RPL17: variants seen among roughly 807,000 people sequenced by gnomAD.
RPL17 encodes the protein ribosomal protein L17.
In RPL17, 2 loss-of-function variants were observed where a neutral mutation model predicts 27.7. The ratio of observed to expected loss-of-function variants is 0.07; its 90% CI spans 0.03 to 0.23. The LOEUF is 0.23. Among genes scored for constraint, RPL17 ranks in the 10% least tolerant of loss-of-function variants. The pLI is 1.00. For missense variants in RPL17, 141 were observed against 238.8 expected (o/e 0.59, Z 2.70); for synonymous variants, 76 against 75.5 (o/e 1.01, Z -0.03).
At chr18:49,488,625 C>T (rs1314538542) in intron 6 of RPL17, 59 bp from the exon 7 acceptor site, 8 of 1,016,996 alleles carry the variant, frequency 7.9e-6, no homozygotes, top group African/African-American at 1.6e-5. Flanking sequence ...TCTTGGAGGA[C>T]TTCAGCTTAT....
intron 4 of RPL17, 119 bp downstream of exon 4, chr18:49,490,674 G>A: frequency 1.9e-6 from 3 of 1,584,532 alleles, no homozygotes; most frequent in Non-Finnish European, 2.6e-6. Context: ...AATCCAAGGT[G>A]TCCTGTCATT....
chr18:49,491,588 G>C lies in RPL17; in HGVS notation c.-13-4C>G, dbSNP rs572092797. On this transcript the variant is annotated splice_region_variant and splice_polypyrimidine_tract_variant and intron_variant, in intron 1 of 6. Coordinates refer to ENST00000580261, the MANE Select transcript of RPL17 (RefSeq NM_001035006.5). ...GCGAACCATTTTCACAGATCACCTA[G>C]AGGAAAGTACAGTGTAATTCTGTCA... 123 of 1,614,032 alleles carry C rather than the reference G, an allele frequency of 7.6e-5. No homozygotes were observed. The highest frequency in any genetic ancestry group is 8.8e-5 in the Non-Finnish European group (104 of 1,180,044).
At chr18:49,491,964 C>G (rs1045817353) in intron 1 of RPL17, 1 of 373,828 alleles carries the variant, frequency 2.7e-6, no homozygotes, top group African/African-American at 2.1e-5. Context: ...ACAGAAACCC[C>G]TTTGCTGTCA....
chr18:49,490,088 C>G (rs1335683607), intron 5 of RPL17, among the ~76,000 whole-genome samples: 1 of 152,222 alleles, frequency 6.6e-6, no homozygotes, highest in Non-Finnish European at 1.5e-5. Context: ...CCACAAACCA[C>G]ATTAATCACT....
At chr18:49,488,694 A>T in intron 6 of RPL17, 128 bp from the exon 7 acceptor site, 1 of 644,466 alleles carries the variant, frequency 1.6e-6, no homozygotes, top group South Asian at 1.8e-5. Flanking sequence ...TAAATGGTAG[A>T]AATCAACAGA....
intron 1 of RPL17, 28 bp from the exon 2 acceptor site, chr18:49,491,612 CA>C (rs2084086011): frequency 6.2e-7 from 1 of 1,612,230 alleles, no homozygotes; most frequent in African/African-American, 1.3e-5. Flanking sequence ...GTAATTCTGT[CA>C]ATACGTACTT....
intron 1 of RPL17, 31 bp from the exon 2 acceptor site, chr18:49,491,615 T>TA (rs1410892901): frequency 6.2e-7 from 1 of 1,611,064 alleles, no homozygotes; most frequent in South Asian, 1.1e-5. Context: ...ATTCTGTCAA[T>TA]ACGTACTTAC....
chr18:49,489,168 T>G (rs1233061964), intron 6 of RPL17, 191 bp downstream of exon 6: 1 of 565,092 alleles, frequency 1.8e-6, no homozygotes, highest in Non-Finnish European at 3.1e-6. Context: ...CCCAAAGTGC[T>G]GGGATTACAG....
chr18:49,489,319 T>C (rs541896968), intron 6 of RPL17, 40 bp downstream of exon 6: 1 of 1,608,418 alleles, frequency 6.2e-7, no homozygotes, highest in South Asian at 1.1e-5. Context: ...CCACAAATCT[T>C]TCTACTATCA....
rs146036347 is a variant in RPL17, at chr18:49,491,296, TATTA to T, written c.81+105_81+108del. On this transcript the variant is annotated intron_variant, in intron 3 of 6. Coordinates refer to ENST00000580261, the MANE Select transcript of RPL17 (RefSeq NM_001035006.5). Reference sequence around the variant, plus strand: ...AAATATAAGGTGGCTGCTCAGAATTTATTAATTTTCACGGTAAATCCAAAGGTGT... The same window carrying T: ...AAATATAAGGTGGCTGCTCAGAATTTATTTTCACGGTAAATCCAAAGGTGT... 2.9e-5 allele frequency: 44 copies of T among 1,536,842 alleles called. No homozygotes were observed. The Middle Eastern group carries it at 8.4e-4, about 29-fold the overall frequency.
At chr18:49,489,899 T>C (rs1451991732) in intron 5 of RPL17, among the ~76,000 whole-genome samples, 1 of 152,214 alleles carries the variant, frequency 6.6e-6, no homozygotes, top group Non-Finnish European at 1.5e-5. Flanking sequence ...TTTGGAGCCA[T>C]ACAGACCTAA....
chr18:49,491,874 T>C, intron 1 of RPL17: 1 of 530,210 alleles, frequency 1.9e-6, no homozygotes, highest in Non-Finnish European at 3.5e-6. Flanking sequence ...CAATGCTGGA[T>C]CTTCCAGGCG....
In RPL17 at chr18:49,492,462, G is replaced by A. The variant is rs973301463; in HGVS notation, c.-18C>T. Reference sequence around the variant, plus strand: ...CAACGCAGGAGAAACACTCACCTCAGGCTGCTTAGGGAAAGAGGAAGAGCG... The same window carrying A: ...CAACGCAGGAGAAACACTCACCTCAAGCTGCTTAGGGAAAGAGGAAGAGCG... On this transcript the variant is annotated 5_prime_UTR_variant, in exon 1 of 7. Coordinates refer to ENST00000580261, the MANE Select transcript of RPL17 (RefSeq NM_001035006.5). 1.3e-5 allele frequency: 2 copies of A among 152,286 alleles called. No homozygotes were observed. The highest frequency in any genetic ancestry group is 1.9e-4 in the East Asian group (1 of 5,200). The allele number at this position is 152,286 out of a possible 1,614,324, so 9.4% of individuals were successfully genotyped here. A position where few individuals can be genotyped will look rare whatever the true frequency, so the allele number is the denominator to read the frequency against.
intron 5 of RPL17, 49 bp downstream of exon 5, chr18:49,490,405 T>C (rs1232264971): frequency 5.0e-6 from 8 of 1,588,348 alleles, no homozygotes; most frequent in African/African-American, 1.3e-5. Flanking sequence ...ACAGCCAACA[T>C]TAATTAAACA....
chr18:49,491,481 C>G (rs1488231846), intron 2 of RPL17, 36 bp from the exon 3 acceptor site: 1 of 1,614,116 alleles, frequency 6.2e-7, no homozygotes, highest in Non-Finnish European at 8.5e-7. Context: ...TTTTTGGTAT[C>G]TTATGCCAAG....
At chr18:49,490,729 T>G in intron 4 of RPL17, 64 bp downstream of exon 4, 2 of 1,610,710 alleles carry the variant, frequency 1.2e-6, no homozygotes, top group Non-Finnish European at 1.7e-6. Context: ...TTAGCCATTC[T>G]TATCCTATCC....
chr18:49,489,148 A>G (rs1042604844), intron 6 of RPL17: 20 of 484,110 alleles, frequency 4.1e-5, no homozygotes, highest in African/African-American at 2.9e-4. Context: ...TGATCCACCC[A>G]CCTCAGCCTC....
At chr18:49,492,417 G>A (rs2084188249) in intron 1 of RPL17, 41 bp downstream of exon 1, 3 of 152,520 alleles carry the variant, frequency 2.0e-5, no homozygotes, top group African/African-American at 7.2e-5. Context: ...GGCGATGGCA[G>A]GAGGATTGGG....
At chr18:49,491,941 TC>T (rs763241645) in intron 1 of RPL17, 11 of 388,054 alleles carry the variant, frequency 2.8e-5, no homozygotes, top group Non-Finnish European at 4.0e-5. Flanking sequence ...CTACACCTCC[TC>T]CCTCCCGCTC....
Sources: allele counts gnomAD v4.1 joint callset (sites outside exome capture counted in the v4.1 genomes callset), GRCh38; gene constraint gnomAD v4.1.1; transcripts MANE v1.5; gene names NCBI Gene and HGNC (gene_info 2026-07-23, HGNC 2026-07-21).